The following CAV1 variants were observed in gnomAD, a reference collection of about 807,000 sequenced individuals.
CAV1 encodes the protein caveolin 1, also known as caveolin-1.
In CAV1, 10 loss-of-function variants were observed where a neutral mutation model predicts 16.5. The ratio of observed to expected loss-of-function variants is 0.61; its 90% CI spans 0.37 to 1.03. CAV1 has a LOEUF of 1.03. Among genes scored for constraint, CAV1 ranks in the 50% least tolerant of loss-of-function variants. The pLI is 0.01. For missense variants in CAV1, 212 were observed against 232.8 expected (o/e 0.91, Z 0.58); for synonymous variants, 76 against 85.1 (o/e 0.89, Z 0.59).
intron 2 of CAV1, among the ~76,000 whole-genome samples, chr7:116,543,362 C>A (rs112293103): frequency 1.3e-5 from 2 of 152,098 alleles, no homozygotes; most frequent in Non-Finnish European, 2.9e-5. Flanking sequence ...ATATACAGAC[C>A]GTGGTATTTA....
chr7:116,536,878 C>T (rs980284896), intron 2 of CAV1, among the ~76,000 whole-genome samples: 12 of 151,670 alleles, frequency 7.9e-5, no homozygotes, highest in African/African-American at 2.7e-4. Flanking sequence ...TGGCGGGCGC[C>T]TGTAGTCCCA....
At chr7:116,533,932 A>G (rs954662985) in intron 2 of CAV1, among the ~76,000 whole-genome samples, 63 of 152,156 alleles carry the variant, frequency 4.1e-4, no homozygotes, top group African/African-American at 1.5e-3. Flanking sequence ...CTCTCCTCAC[A>G]TACTGGCTCT....
Position 116,559,886 on chromosome 7 carries a change from T to C in CAV1, c.*599T>C. ...CTAATGCCTTACTCTTCTTGAAATT[T>C]TAACCTATGATATTTTCTGTGCCTG... On this transcript the variant is annotated 3_prime_UTR_variant, in exon 3 of 3. Coordinates refer to ENST00000341049, the MANE Select transcript of CAV1 (RefSeq NM_001753.5). The C allele has an allele frequency of 2.5e-6, 1 of 399,504 alleles. No homozygotes were observed. The highest frequency in any genetic ancestry group is 4.4e-6 in the Non-Finnish European group (1 of 226,506). 24.7% of individuals were successfully genotyped at this position (399,504 alleles called of 1,614,324 possible).
At chr7:116,533,060 G>T (rs915666695) in intron 2 of CAV1, among the ~76,000 whole-genome samples, 1 of 152,134 alleles carries the variant, frequency 6.6e-6, no homozygotes, top group Non-Finnish European at 1.5e-5. Context: ...GCCCCAAAAA[G>T]GCTGGGCGCA....
At chr7:116,551,131 C>T (rs1312210035) in intron 2 of CAV1, among the ~76,000 whole-genome samples, 7 of 152,158 alleles carry the variant, frequency 4.6e-5, no homozygotes, top group Non-Finnish European at 1.0e-4. Flanking sequence ...AATACAGATC[C>T]CCAGGCCCCA....
At chr7:116,540,254 A>G (rs1793908890) in intron 2 of CAV1, among the ~76,000 whole-genome samples, 1 of 152,072 alleles carries the variant, frequency 6.6e-6, no homozygotes, top group African/African-American at 2.4e-5. Context: ...AACAATAACA[A>G]CACATTAATG....
At chr7:116,526,776 C>T in intron 2 of CAV1, 87 bp downstream of exon 2, 21 of 1,460,320 alleles carry the variant, frequency 1.4e-5, no homozygotes, top group Non-Finnish European at 1.7e-5. Context: ...TTGCCGTGTA[C>T]GCACACCCCA....
intron 2 of CAV1, among the ~76,000 whole-genome samples, chr7:116,555,360 G>A (rs1001166267): frequency 2.0e-5 from 3 of 150,654 alleles, no homozygotes; most frequent in African/African-American, 7.3e-5. Flanking sequence ...GATTGCTTGA[G>A]CCCAGGAGGT....
intron 2 of CAV1, among the ~76,000 whole-genome samples, chr7:116,528,989 C>T (rs542996552): frequency 5.3e-5 from 8 of 151,948 alleles, no homozygotes; most frequent in East Asian, 1.9e-4. Flanking sequence ...GCCACCATGC[C>T]GGGTTAATAT....
intron 2 of CAV1, among the ~76,000 whole-genome samples, chr7:116,555,248 G>C (rs1013986840): frequency 1.1e-4 from 17 of 151,716 alleles, no homozygotes; most frequent in African/African-American, 4.1e-4. Flanking sequence ...TTCAACATCA[G>C]CCTAGGCAAC....
chr7:116,549,691 G>GATAAT (rs912737035), intron 2 of CAV1, among the ~76,000 whole-genome samples: 8 of 152,192 alleles, frequency 5.3e-5, no homozygotes, highest in Non-Finnish European at 1.2e-4. Context: ...ATTAATAAGA[G>GATAAT]ATAATATTAT....
At chr7:116,525,200 ACTTCG>A (rs1248363528) in intron 1 of CAV1, 108 bp downstream of exon 1, 2 of 1,613,254 alleles carry the variant, frequency 1.2e-6, no homozygotes, top group South Asian at 2.2e-5. Flanking sequence ...CCCTCTCTCC[ACTTCG>A]GAGCACTCCT....
At chr7:116,548,832 A>G (rs1046123598) in intron 2 of CAV1, among the ~76,000 whole-genome samples, 2 of 152,164 alleles carry the variant, frequency 1.3e-5, no homozygotes, top group African/African-American at 2.4e-5. Flanking sequence ...CACACAGGGC[A>G]TGATGTGAAT....
chr7:116,546,912 G>A (rs969022900), intron 2 of CAV1, among the ~76,000 whole-genome samples: 2 of 152,148 alleles, frequency 1.3e-5, no homozygotes, highest in African/African-American at 4.8e-5. Flanking sequence ...CCAAAATCAA[G>A]GTGTCAGCAA....
chr7:116,541,753 CAAAAAAAAA>C (rs5886829), intron 2 of CAV1, among the ~76,000 whole-genome samples: 1 of 109,026 alleles, frequency 9.2e-6, no homozygotes, highest in Non-Finnish European at 2.0e-5. Flanking sequence ...GAGCCTGCCT[CAAAAAAAAA>C]AAAAAAAAAA....
chr7:116,552,338 G>T (rs977245314), intron 2 of CAV1, among the ~76,000 whole-genome samples: 2 of 152,202 alleles, frequency 1.3e-5, no homozygotes, highest in African/African-American at 4.8e-5. Flanking sequence ...GTAGTGTATT[G>T]TGGTAATAGA....
Position 116,559,309 on chromosome 7 carries a change from T to C in CAV1, c.*22T>C, listed in dbSNP as rs1316812058. ...ATAAATGACATTTCAAGGATAGAAG[T>C]ATACCTGATTTTTTTTCCTTTTAAT... On this transcript the variant is annotated 3_prime_UTR_variant, in exon 3 of 3. Transcript: ENST00000341049. 6.3e-7 allele frequency: 1 copy of C among 1,578,134 alleles called. No homozygotes were observed. The highest frequency in any genetic ancestry group is 1.1e-5 in the South Asian group (1 of 90,138).
chr7:116,538,831 C>T (rs553685626), intron 2 of CAV1, among the ~76,000 whole-genome samples: 5 of 152,266 alleles, frequency 3.3e-5, no homozygotes, highest in African/African-American at 9.6e-5. Flanking sequence ...GTGAAAGGCA[C>T]ATCTTACATG....
intron 2 of CAV1, 142 bp from the exon 3 acceptor site, chr7:116,558,804 A>G: frequency 1.5e-6 from 1 of 674,852 alleles, no homozygotes; most frequent in Non-Finnish European, 2.7e-6. Context: ...AGTGATGCTG[A>G]TGCTGCTGGT....
Sources: gnomAD v4.1 joint callset for allele counts (sites outside exome capture counted in the v4.1 genomes callset) on GRCh38, gnomAD v4.1.1 for gene constraint, MANE v1.5 for transcripts, NCBI Gene and HGNC (gene_info 2026-07-23, HGNC 2026-07-21) for gene names.